Variants in LUC7L observed in about 807,000 individuals in gnomAD.
LUC7L encodes putative RNA-binding protein Luc7-like 1.
In LUC7L, 29 loss-of-function variants were observed where a neutral mutation model predicts 51.1. The ratio of observed to expected loss-of-function variants is 0.57; its 90% CI spans 0.42 to 0.77. The LOEUF (loss-of-function observed/expected upper bound fraction) is 0.77, where lower values mean the gene tolerates loss of function less well. Among genes scored for constraint, LUC7L ranks in the 30% least tolerant of loss-of-function variants. The pLI, the probability that LUC7L is intolerant of heterozygous loss-of-function variation, is 0.00. For synonymous variants in LUC7L, 181 were observed against 180.7 expected, an observed-to-expected ratio of 1.00 and a Z score of -0.01; for missense variants, 403 against 511.9, an observed-to-expected ratio of 0.79 and a Z score of 2.05.
intron 7 of LUC7L, chr16:190,796 CTTTA>C: frequency 1.8e-6 from 1 of 542,912 alleles, no homozygotes; most frequent in Non-Finnish European, 3.3e-6. Flanking sequence ...AGGAAAATCA[CTTTA>C]ACCTAGGAGG....
At chr16:190,809 G>A in intron 7 of LUC7L, 2 of 520,452 alleles carry the variant, frequency 3.8e-6, no homozygotes, top group Non-Finnish European at 3.4e-6. Flanking sequence ...TAACCTAGGA[G>A]GCAGAGGTTG....
chr16:215,517 G>A (rs557969551), intron 3 of LUC7L, among the ~76,000 whole-genome samples: 21 of 152,168 alleles, frequency 1.4e-4, no homozygotes, highest in African/African-American at 5.1e-4. Context: ...CTACTTGGGA[G>A]GCTGAGGTAG....
intron 6 of LUC7L, among the ~76,000 whole-genome samples, chr16:194,613 A>G (rs1349512031): frequency 6.6e-6 from 1 of 152,194 alleles, no homozygotes; most frequent in Non-Finnish European, 1.5e-5. Context: ...GCCCAACCTC[A>G]GGGTGCTGGG....
At chr16:208,245 G>C (rs2049541520) in intron 3 of LUC7L, 57 bp from the exon 4 acceptor site, 2 of 1,281,910 alleles carry the variant, frequency 1.6e-6, no homozygotes, top group African/African-American at 1.5e-5. Context: ...TAAAGTCTTA[G>C]AACCCATTTG....
chr16:195,129 T>G (rs1029163817), intron 6 of LUC7L, among the ~76,000 whole-genome samples: 4 of 152,122 alleles, frequency 2.6e-5, no homozygotes, highest in African/African-American at 9.7e-5. Flanking sequence ...TAAGGTGATG[T>G]TTAAGGATGG....
intron 3 of LUC7L, among the ~76,000 whole-genome samples, chr16:210,392 G>C (rs913841919): frequency 1.2e-4 from 18 of 152,188 alleles, no homozygotes; most frequent in African/African-American, 4.1e-4. Context: ...TCCGGCATTT[G>C]ACTGCTTCTA....
At chr16:223,954 A>G (rs1385680398) in intron 2 of LUC7L, among the ~76,000 whole-genome samples, 3 of 152,030 alleles carry the variant, frequency 2.0e-5, no homozygotes, top group Admixed American at 1.3e-4. Flanking sequence ...CTGGGATTAC[A>G]GGTATGAGCC....
At chr16:204,741 C>A (rs1222933666) in intron 5 of LUC7L, among the ~76,000 whole-genome samples, 2 of 152,124 alleles carry the variant, frequency 1.3e-5, no homozygotes, top group Admixed American at 6.6e-5. Flanking sequence ...CAGCTGCAGA[C>A]CTCAATCTAA....
chr16:214,937 G>A (rs143068456), intron 3 of LUC7L, among the ~76,000 whole-genome samples: 1 of 152,302 alleles, frequency 6.6e-6, no homozygotes, highest in Non-Finnish European at 1.5e-5. Flanking sequence ...CAGGCATGGT[G>A]GCTTGTGACT....
At chr16:192,454 C>A (rs1227390858) in intron 7 of LUC7L, among the ~76,000 whole-genome samples, 2 of 151,742 alleles carry the variant, frequency 1.3e-5, no homozygotes, top group Admixed American at 6.6e-5. Flanking sequence ...CACAGTCCTG[C>A]GCTGGGACGT....
chr16:213,446 C>T (rs147847962), intron 3 of LUC7L, among the ~76,000 whole-genome samples: 1 of 152,130 alleles, frequency 6.6e-6, no homozygotes, highest in Non-Finnish European at 1.5e-5. Flanking sequence ...GTCACCCAGG[C>T]TGGAGTGTAG....
chr16:227,646 G>A (rs745734287), intron 1 of LUC7L: 1 of 1,135,608 alleles, frequency 8.8e-7, no homozygotes, highest in Non-Finnish European at 1.1e-6. Flanking sequence ...ATGTGGCAAT[G>A]AGACTGCAAA....
intron 3 of LUC7L, among the ~76,000 whole-genome samples, chr16:214,415 C>T (rs1486850721): frequency 6.6e-6 from 1 of 152,202 alleles, no homozygotes; most frequent in Non-Finnish European, 1.5e-5. Context: ...GTTTGAAGGG[C>T]AGAGTCTATC....
intron 2 of LUC7L, among the ~76,000 whole-genome samples, chr16:223,936 C>T (rs530498190): frequency 6.6e-6 from 1 of 152,152 alleles, no homozygotes; most frequent in African/African-American, 2.4e-5. Context: ...CCTCCTCCTC[C>T]CGAAGTGCTG....
intron 6 of LUC7L, among the ~76,000 whole-genome samples, chr16:198,041 G>A (rs2049205680): frequency 6.6e-6 from 1 of 152,016 alleles, no homozygotes; most frequent in South Asian, 2.1e-4. Context: ...GGCTGAGGCG[G>A]GCGGATCGCG....
In LUC7L at chr16:227,351, T is replaced by G; in HGVS notation, c.62-15A>C. 6.3e-7 allele frequency: 1 copy of G among 1,593,570 alleles called. No individual in the cohort carries two copies. Among genetic ancestry groups the G allele is most frequent in the Non-Finnish European group, 8.6e-7 (1 of 1,167,214 alleles). Reference sequence around the variant, plus strand: ...GGTTTCGTCTCCTGAAATTCATTTGTGGTTTTAAATAAGACAATATTATCA... The same window carrying G: ...GGTTTCGTCTCCTGAAATTCATTTGGGGTTTTAAATAAGACAATATTATCA... On this transcript the variant is annotated splice_polypyrimidine_tract_variant and intron_variant, in intron 1 of 9. Transcript: ENST00000293872.
chr16:220,577 G>T, intron 3 of LUC7L, 72 bp downstream of exon 3: 2 of 1,136,246 alleles, frequency 1.8e-6, no homozygotes, highest in South Asian at 1.3e-5. Flanking sequence ...ACTTACGTAT[G>T]TTACATTTTT....
In LUC7L at chr16:220,691, A is replaced by G; in HGVS notation, c.213T>C (p.Tyr71=). 1 of 1,612,492 alleles carries G rather than the reference A, an allele frequency of 6.2e-7. No individual in the cohort carries two copies. The highest frequency in any genetic ancestry group is 8.5e-7 in the Non-Finnish European group (1 of 1,178,510). The change falls in exon 3 of 10, where the codon TAT becomes TAC. Residue 71 remains tyrosine, a synonymous_variant. Transcript: ENST00000293872. ...GGTCTCTTTCTTTACTTGCAATCTC[A>G]TAATCTGCTCGGAGGGCCAAGTCGT... The part of the protein sequence containing the change: ...KIHDLALRAD[Y]EIASKERDLF...
intron 5 of LUC7L, among the ~76,000 whole-genome samples, chr16:203,833 G>A (rs528419013): frequency 1.3e-5 from 2 of 151,760 alleles, no homozygotes; most frequent in African/African-American, 4.8e-5. Context: ...TGGCTAACAC[G>A]GTTAAATCAT....
Sources: gnomAD v4.1 joint callset for allele counts (sites outside exome capture counted in the v4.1 genomes callset) on GRCh38, gnomAD v4.1.1 for gene constraint, MANE v1.5 for transcripts, NCBI Gene and HGNC (gene_info 2026-07-23, HGNC 2026-07-21) for gene names.